CR1: variants seen among roughly 807,000 people sequenced by gnomAD.
CR1 encodes the protein complement receptor type 1.
Under a neutral mutation model 187.3 loss-of-function variants are expected in CR1, and 116 were observed. The ratio of observed to expected loss-of-function variants is 0.62; its 90% CI spans 0.53 to 0.72. The LOEUF is 0.72. Ranked by LOEUF, CR1 falls within the 30% of genes least tolerant of loss-of-function variation. The probability of loss-of-function intolerance (pLI) is 0.00; values close to 1 mark genes in which losing one functional copy is unlikely to be tolerated. For missense variants in CR1, 1,731 were observed against 2,110.7 expected, an observed-to-expected ratio of 0.82 and a Z score of 3.52; for synonymous variants, 576 against 747.1, an observed-to-expected ratio of 0.77 and a Z score of 3.73.
At chr1:207,579,591 C>G (rs180958614) in intron 29 of CR1, among the ~76,000 whole-genome samples, 2 of 152,170 alleles carry the variant, frequency 1.3e-5, no homozygotes, top group Non-Finnish European at 2.9e-5. Context: ...TAGAAGTTAC[C>G]GCCCCTTTCC....
At chr1:207,615,884 C>T (rs1662076337) in intron 40 of CR1, among the ~76,000 whole-genome samples, 2 of 152,188 alleles carry the variant, frequency 1.3e-5, no homozygotes, top group East Asian at 3.8e-4. Context: ...TTTATATACA[C>T]ATAATTCTGA....
chr1:207,566,075 AT>A (rs1290373724), intron 24 of CR1, among the ~76,000 whole-genome samples, 152 bp downstream of exon 24: 1 of 150,316 alleles, frequency 6.7e-6, no homozygotes, highest in African/African-American at 2.5e-5. Context: ...TTGTGAATCA[AT>A]ATGTACATCA....
intron 35 of CR1, among the ~76,000 whole-genome samples, chr1:207,595,432 A>G (rs73078635): frequency 0.029 from 4,431 of 152,242 alleles, 217 homozygotes; most frequent in African/African-American, 0.1. Flanking sequence ...CCGGCCCTAC[A>G]TGGAAGAAAA....
At chr1:207,580,843 T>C (rs1189578320) in intron 31 of CR1, among the ~76,000 whole-genome samples, 1 of 152,000 alleles carries the variant, frequency 6.6e-6, no homozygotes, top group Non-Finnish European at 1.5e-5. Flanking sequence ...CAAACAGAAA[T>C]ACAGTCACCA....
chr1:207,626,563 C>T (rs1394228686), intron 45 of CR1, among the ~76,000 whole-genome samples: 1 of 152,174 alleles, frequency 6.6e-6, no homozygotes, highest in African/African-American at 2.4e-5. Flanking sequence ...GTCACCAAGT[C>T]AGAAGAGCCA....
At chr1:207,620,218 T>C (rs1340845953) in intron 43 of CR1, among the ~76,000 whole-genome samples, 153 bp downstream of exon 43, 1 of 152,214 alleles carries the variant, frequency 6.6e-6, no homozygotes, top group Non-Finnish European at 1.5e-5. Context: ...AAAACTCCCA[T>C]AGTGAGAGTA....
In CR1 at chr1:207,565,690, T is replaced by G. The variant is rs996666390; in HGVS notation, c.3867-148T>G. ...TATTGTTCCCTTCTGGAGGCTGTGA[T>G]TTTTCCAGAATAAGGTAGCCTGTGC... On this transcript the variant is annotated intron_variant, in intron 23 of 46. Transcript: ENST00000367049. 74 of 1,038,054 alleles carry G rather than the reference T, an allele frequency of 7.1e-5. 3 individuals carry two copies. In the African/African-American group the frequency reaches 1.2e-3, roughly 17 times the overall value. The allele number at this position is 1,038,054 out of a possible 1,614,324, so 64.3% of individuals were successfully genotyped here.
intron 1 of CR1, among the ~76,000 whole-genome samples, chr1:207,496,840 G>A (rs566732972): frequency 7.2e-5 from 11 of 152,214 alleles, no homozygotes; most frequent in African/African-American, 2.6e-4. Flanking sequence ...TGTAAAATGG[G>A]GACACTGGTA....
chr1:207,614,851 C>A (rs564693309), intron 40 of CR1, among the ~76,000 whole-genome samples: 13 of 151,924 alleles, frequency 8.6e-5, no homozygotes, highest in Non-Finnish European at 1.3e-4. Context: ...ACACTGTCAC[C>A]CAGGACAGAG....
Position 207,580,542 on chromosome 1 carries a change from C to G in CR1, c.5145C>G (p.Leu1715=), listed in dbSNP as rs190900510. The G allele has an allele frequency of 1.8e-4, 292 of 1,612,544 alleles. No individual in the cohort carries two copies. The highest frequency in any genetic ancestry group is 2.3e-4 in the Non-Finnish European group (272 of 1,179,612). ...CCTGTGATGACTTCTTGGGTCAACT[C>G]CCTCATGGCCGTGTGCTATTTCCAC... ...VKSCDDFLGQ[L]PHGRVLFPLN... is the part of the protein sequence containing the mutation. The change falls in exon 31 of 47, where the codon CTC becomes CTG. Residue 1715 remains leucine, a synonymous_variant. Transcript: ENST00000367049.
Position 207,576,189 on chromosome 1 carries a change from G to A in CR1, c.4537+509G>A, listed in dbSNP as rs114111903. Among the ~76,000 whole-genome samples, 557 of 152,300 alleles carry A rather than the reference G, an allele frequency of 3.7e-3. 2 individuals are homozygous for A. The highest frequency in any genetic ancestry group is 4.3e-3 in the Non-Finnish European group (293 of 68,028). On this transcript the variant is annotated intron_variant, in intron 28 of 46. Transcript: ENST00000367049. Reference sequence around the variant, plus strand: ...ACGAATGAGCAATTGCAAGCTAACAGGGAATATAAAATGTGTATAATCCTG... The same window carrying A: ...ACGAATGAGCAATTGCAAGCTAACAAGGAATATAAAATGTGTATAATCCTG...
At chr1:207,579,094 G>C (rs1660856405) in intron 29 of CR1, among the ~76,000 whole-genome samples, 1 of 152,104 alleles carries the variant, frequency 6.6e-6, no homozygotes, top group Non-Finnish European at 1.5e-5. Flanking sequence ...ATGTTAAAAT[G>C]GGTTCTGATG....
intron 3 of CR1, among the ~76,000 whole-genome samples, chr1:207,510,875 G>C (rs1372375673): frequency 3.4e-5 from 5 of 149,194 alleles, no homozygotes; most frequent in Non-Finnish European, 5.9e-5. Context: ...AGGCTGGAGT[G>C]CAGTGGCATG....
chr1:207,607,321 G>C lies in CR1; in HGVS notation c.5881G>C (p.Ala1961Pro), dbSNP rs761361183. 41 of 1,612,458 alleles carry C rather than the reference G, an allele frequency of 2.5e-5. 1 individual carries two copies. In the Middle Eastern group the frequency reaches 5.3e-3, roughly 208 times the overall value. ...CAATAATGTCACATGGGATAAGAAG[G>C]CACCTATTTGTGAGAGTAAGTTGAA... is the stretch of plus-strand genomic sequence containing the variant. ...SGNNVTWDKK[A>P]PICEIISCEP... The change falls in exon 36 of 47, where the codon GCA (alanine) becomes CCA (proline). Residue 1961 changes from alanine (A) to proline (P), a missense_variant. Physicochemically the swap from Ala to Pro is conservative, Grantham distance 27. Coordinates refer to ENST00000367049, the MANE Select transcript of CR1 (RefSeq NM_000651.6).
chr1:207,638,187 T>C lies in CR1; in HGVS notation c.7458-1210T>C, dbSNP rs140204197. 5.9e-5 allele frequency among the ~76,000 whole-genome samples: 9 copies of C among 152,376 alleles called. No homozygotes were observed. The South Asian group carries it at 6.2e-4, about 11-fold the overall frequency. On this transcript the variant is annotated intron_variant, in intron 46 of 46. Coordinates refer to ENST00000367049, the MANE Select transcript of CR1 (RefSeq NM_000651.6). ...AACTATGGCCTGTCTGTGGGAATTA[T>C]AGGGAATTCCTGTTGTATGTGAAAC...
chr1:207,524,560 A>G (rs1421623518), intron 5 of CR1, among the ~76,000 whole-genome samples: 1 of 151,858 alleles, frequency 6.6e-6, no homozygotes, highest in Non-Finnish European at 1.5e-5. Context: ...AGTTTTTTAT[A>G]TATTTTTTGT....
chr1:207,608,657 TC>T (rs1661819336), intron 36 of CR1, among the ~76,000 whole-genome samples: 1 of 152,196 alleles, frequency 6.6e-6, no homozygotes, highest in East Asian at 1.9e-4. Context: ...TACAAAGTTT[TC>T]AAGGCATGGC....
intron 23 of CR1, among the ~76,000 whole-genome samples, chr1:207,565,245 A>C (rs746947784): frequency 1.3e-5 from 2 of 150,194 alleles, no homozygotes; most frequent in Admixed American, 6.6e-5. Context: ...CAGGGTCCAA[A>C]AGACTGAGAA....
chr1:207,511,042 G>C (rs1006798777), intron 3 of CR1, among the ~76,000 whole-genome samples: 1 of 151,744 alleles, frequency 6.6e-6, no homozygotes, highest in African/African-American at 2.4e-5. Context: ...GGCTGGTCTC[G>C]AACTCCTGAG....
Sources: gnomAD v4.1 joint callset for allele counts (sites outside exome capture counted in the v4.1 genomes callset) on GRCh38, gnomAD v4.1.1 for gene constraint, MANE v1.5 for transcripts, NCBI Gene and HGNC (gene_info 2026-07-23, HGNC 2026-07-21) for gene names.